The following CLSTN2 variants were observed in gnomAD, a reference collection of about 807,000 sequenced individuals.
CLSTN2 encodes the protein calsyntenin-2.
In CLSTN2, 48 loss-of-function variants were observed where a neutral mutation model predicts 101.2. The observed-to-expected ratio is 0.47, with a 90% CI of 0.38 to 0.60. The LOEUF (loss-of-function observed/expected upper bound fraction) is 0.60, where lower values mean the gene tolerates loss of function less well. Ranked by LOEUF, CLSTN2 falls within the 20% of genes least tolerant of loss-of-function variation. The probability of loss-of-function intolerance (pLI) is 0.00; values close to 1 mark genes in which losing one functional copy is unlikely to be tolerated. For missense variants in CLSTN2, 1,160 were observed against 1,238.2 expected, an observed-to-expected ratio of 0.94 and a Z score of 0.95; for synonymous variants, 481 against 463.6, an observed-to-expected ratio of 1.04 and a Z score of -0.48.
At chr3:140,310,268 G>A (rs1329613329) in intron 2 of CLSTN2, among the ~76,000 whole-genome samples, 3 of 151,950 alleles carry the variant, frequency 2.0e-5, no homozygotes, top group Non-Finnish European at 4.4e-5. Context: ...CTGGCCCATA[G>A]GCGCCCCCAC....
At chr3:140,043,982 G>A (rs983220186) in intron 1 of CLSTN2, among the ~76,000 whole-genome samples, 2 of 152,108 alleles carry the variant, frequency 1.3e-5, no homozygotes, top group Non-Finnish European at 2.9e-5. Context: ...TTATTCTTTT[G>A]GGTTAGGATT....
At chr3:139,973,148 C>A (rs1157921231) in intron 1 of CLSTN2, among the ~76,000 whole-genome samples, 1 of 152,198 alleles carries the variant, frequency 6.6e-6, no homozygotes, top group Admixed American at 6.5e-5. Flanking sequence ...TAGCCAGGGA[C>A]CCTTGATCCT....
chr3:140,148,713 G>A (rs2009818029), intron 1 of CLSTN2, among the ~76,000 whole-genome samples: 1 of 152,192 alleles, frequency 6.6e-6, no homozygotes, highest in Non-Finnish European at 1.5e-5. Context: ...TGGGAGAAAA[G>A]GAAGAAGTGC....
chr3:140,192,549 T>C (rs184778491), intron 2 of CLSTN2, among the ~76,000 whole-genome samples: 1 of 152,092 alleles, frequency 6.6e-6, no homozygotes, highest in East Asian at 1.9e-4. Context: ...TTATACAATG[T>C]CACTCTCTGT....
intron 1 of CLSTN2, among the ~76,000 whole-genome samples, chr3:140,005,944 T>C (rs2006944493): frequency 6.6e-6 from 1 of 152,250 alleles, no homozygotes; most frequent in Non-Finnish European, 1.5e-5. Context: ...CTCTCTAATG[T>C]AGGCAGCTTA....
At chr3:140,209,865 C>T (rs1210187321) in intron 2 of CLSTN2, among the ~76,000 whole-genome samples, 1 of 152,150 alleles carries the variant, frequency 6.6e-6, no homozygotes, top group Non-Finnish European at 1.5e-5. Context: ...GAGCCTCAAC[C>T]TAGTTCTCAC....
At chr3:140,162,785 C>T (rs776320201) in intron 1 of CLSTN2, among the ~76,000 whole-genome samples, 43 of 152,122 alleles carry the variant, frequency 2.8e-4, no homozygotes, top group Non-Finnish European at 5.4e-4. Flanking sequence ...AGCAGGCAAG[C>T]ATTTTGCAGT....
At chr3:140,330,654 G>A (rs949670341) in intron 2 of CLSTN2, among the ~76,000 whole-genome samples, 1 of 152,152 alleles carries the variant, frequency 6.6e-6, no homozygotes. Context: ...CAAGATAAAG[G>A]TTCACCATAT....
At chr3:140,160,082 C>T (rs2010021638) in intron 1 of CLSTN2, among the ~76,000 whole-genome samples, 1 of 151,926 alleles carries the variant, frequency 6.6e-6, no homozygotes, top group African/African-American at 2.4e-5. Flanking sequence ...AACTCGGTGG[C>T]AGGATCTATA....
At chr3:140,509,501 C>A (rs1289573063) in intron 8 of CLSTN2, among the ~76,000 whole-genome samples, 1 of 152,176 alleles carries the variant, frequency 6.6e-6, no homozygotes, top group East Asian at 1.9e-4. Flanking sequence ...CTGAAAGAAG[C>A]CTGATGGACT....
intron 2 of CLSTN2, among the ~76,000 whole-genome samples, chr3:140,315,324 A>C (rs2087217998): frequency 6.6e-6 from 1 of 152,192 alleles, no homozygotes; most frequent in South Asian, 2.1e-4. Flanking sequence ...CCAATCACGA[A>C]TCCTGTAATT....
chr3:139,989,406 T>C (rs1458972299), intron 1 of CLSTN2, among the ~76,000 whole-genome samples: 1 of 152,194 alleles, frequency 6.6e-6, no homozygotes, highest in South Asian at 2.1e-4. Flanking sequence ...CACTCCCTAC[T>C]CCAGATTGTT....
intron 1 of CLSTN2, among the ~76,000 whole-genome samples, chr3:139,969,853 C>A (rs1404977949): frequency 6.6e-6 from 1 of 152,068 alleles, no homozygotes; most frequent in Admixed American, 6.5e-5. Context: ...CCTTTGGACC[C>A]ACATCATGGC....
chr3:140,018,793 C>T (rs72981836), intron 1 of CLSTN2, among the ~76,000 whole-genome samples: 13,546 of 152,206 alleles, frequency 0.089, 1,776 homozygotes, highest in African/African-American at 0.29. Flanking sequence ...CCCCAAGTCA[C>T]TCAAGATAAG....
intron 16 of CLSTN2, among the ~76,000 whole-genome samples, chr3:140,564,668 T>C (rs78161359): frequency 0.027 from 4,071 of 152,296 alleles, 182 homozygotes; most frequent in African/African-American, 0.091. Context: ...ACCACCTCAT[T>C]TAATCTTCCA....
intron 2 of CLSTN2, among the ~76,000 whole-genome samples, chr3:140,250,157 T>C (rs2086550032): frequency 1.3e-5 from 2 of 152,238 alleles, no homozygotes; most frequent in Admixed American, 1.3e-4. Context: ...AAGATAGACA[T>C]TATTCAGCAA....
At chr3:140,181,879 T>A (rs1258239214) in intron 2 of CLSTN2, among the ~76,000 whole-genome samples, 2 of 152,212 alleles carry the variant, frequency 1.3e-5, no homozygotes, top group African/African-American at 4.8e-5. Context: ...AGTTCCATAC[T>A]CTCAGACTCC....
chr3:140,541,205 T>C (rs1188309428), intron 9 of CLSTN2, among the ~76,000 whole-genome samples: 2 of 152,256 alleles, frequency 1.3e-5, no homozygotes, highest in African/African-American at 2.4e-5. Context: ...TTCACTCACT[T>C]CTGGTTATGT....
chr3:140,253,231 G>C (rs114282609), intron 2 of CLSTN2, among the ~76,000 whole-genome samples: 1 of 152,072 alleles, frequency 6.6e-6, no homozygotes, highest in East Asian at 1.9e-4. Flanking sequence ...TTGTGGTCAC[G>C]GGCAGGAGTA....
Sources: gnomAD v4.1 joint callset for allele counts (sites outside exome capture counted in the v4.1 genomes callset) on GRCh38, gnomAD v4.1.1 for gene constraint, MANE v1.5 for transcripts, NCBI Gene and HGNC (gene_info 2026-07-23, HGNC 2026-07-21) for gene names.